BRWD3: variants seen among roughly 807,000 people sequenced by gnomAD.
BRWD3 encodes bromodomain and WD repeat domain containing 3.
BRWD3 carries 10 observed loss-of-function variants against 149.7 expected under a neutral mutation model. That is an observed-to-expected ratio of 0.07 (90% confidence interval 0.04 to 0.11). BRWD3 has a LOEUF of 0.11. BRWD3 is among the 10% of genes least tolerant of loss of function. The pLI is 1.00. For synonymous variants in BRWD3, 504 were observed against 456.7 expected (o/e 1.10, Z -1.32); for missense variants, 940 against 1,373.2 (o/e 0.68, Z 4.99).
At chrX:80,788,085 AAAATAAATAAAT>A (rs554615479) in intron 6 of BRWD3, among the ~76,000 whole-genome samples, 2,829 of 88,216 alleles carry the variant, frequency 0.032, 68 homozygotes, top group Middle Eastern at 0.055. Context: ...CTCTGTCTCA[AAAATAAATAAAT>A]AAATAAATAA....
Position 80,712,001 on chromosome X carries a change from A to G in BRWD3, c.2326-2424T>C, listed in dbSNP as rs764144550. On this transcript the variant is annotated intron_variant, in intron 20 of 40. Transcript: ENST00000373275. ...TGGCTCAGAATAAATCTCTTCAAAT[A>G]TTTTATAGAGTTTGACTCTTTCATC... Among the ~76,000 whole-genome samples the G allele has an allele frequency of 1.7e-3, 195 of 111,985 alleles. 2 individuals carry two copies. The highest frequency in any genetic ancestry group is 5.6e-3 in the African/African-American group (174 of 30,856).
In BRWD3 at chrX:80,802,458, A is replaced by AT. The variant is rs1439052287; in HGVS notation, c.180+6080_180+6081insA. On this transcript the variant is annotated intron_variant, in intron 4 of 40. Coordinates refer to ENST00000373275, the MANE Select transcript of BRWD3 (RefSeq NM_153252.5). The stretch of plus-strand genomic sequence containing the variant: ...CTCTCATCTTAAAAAAAAAAAAAAA[A>AT]AAAAAAAAAATTAAAAATTAAGAAA... Among the ~76,000 whole-genome samples, 785 of 106,105 alleles carry AT rather than the reference A, an allele frequency of 7.4e-3. 15 individuals are homozygous for AT. Among genetic ancestry groups the AT allele is most frequent in the African/African-American group, 0.027 (755 of 28,422 alleles). The allele number at this position is 106,105 out of a possible 115,157, so 92.1% of individuals were successfully genotyped here. A position where few individuals can be genotyped will look rare whatever the true frequency, so the allele number is the denominator to read the frequency against.
At chrX:80,688,445 GAC>G (rs2072564267) in intron 33 of BRWD3, among the ~76,000 whole-genome samples, 1 of 111,481 alleles carries the variant, frequency 9.0e-6, no homozygotes, top group Non-Finnish European at 1.9e-5. Context: ...TATTCTATAT[GAC>G]ATGCTTATTT....
intron 28 of BRWD3, 33 bp downstream of exon 28, chrX:80,692,907 A>G (rs760128544): frequency 3.7e-6 from 4 of 1,083,642 alleles, no homozygotes; most frequent in South Asian, 3.7e-5. Flanking sequence ...CTACAATGTC[A>G]TATTAGGCAT....
At position 80,733,864 on chromosome X, in the gene BRWD3, T is replaced by C. The variant is rs768856092; in HGVS notation, c.1086+254A>G. 2.0e-3 allele frequency among the ~76,000 whole-genome samples: 221 copies of C among 111,750 alleles called. 2 individuals carry two copies. Among genetic ancestry groups the C allele is most frequent in the African/African-American group, 7.1e-3 (218 of 30,830 alleles). On this transcript the variant is annotated intron_variant, in intron 11 of 40. Transcript: ENST00000373275. ...TTATTAATGTTTGAAAATAAATCAA[T>C]CATTTCCTGTTTCCCACATCATTTA... is the stretch of plus-strand genomic sequence containing the variant.
At chrX:80,693,324 C>T (rs760037253) in intron 27 of BRWD3, among the ~76,000 whole-genome samples, 2 of 111,765 alleles carry the variant, frequency 1.8e-5, no homozygotes, top group Admixed American at 1.9e-4. Context: ...AATTAATTAG[C>T]ATCATCATTA....
rs751192224 is a variant in BRWD3, at chrX:80,684,076, T to C, written c.4167A>G (p.Glu1389=). 1 of 1,207,117 alleles carries C rather than the reference T, an allele frequency of 8.3e-7. No individual in the cohort carries two copies. The highest frequency in any genetic ancestry group is 1.8e-5 in the South Asian group (1 of 56,876). The change falls in exon 37 of 41, where the codon GAA becomes GAG. Residue 1389 remains glutamate, a synonymous_variant. Coordinates refer to ENST00000373275, the MANE Select transcript of BRWD3 (RefSeq NM_153252.5). The stretch of plus-strand genomic sequence containing the variant: ...ATATTTGGCGAACATCCTTATAAAA[T>C]TCCAGAGGACTACCATAGTTTCCTG... ...LEAGNYGSPL[E]FYKDVRQIFN... is the part of the protein sequence containing the mutation.
intron 20 of BRWD3, among the ~76,000 whole-genome samples, chrX:80,714,062 C>G (rs958606990): frequency 1.8e-5 from 2 of 111,191 alleles, no homozygotes; most frequent in African/African-American, 6.6e-5. Flanking sequence ...GGGGGAAAAC[C>G]TACATTGTGC....
intron 6 of BRWD3, among the ~76,000 whole-genome samples, chrX:80,757,508 T>C (rs1459171005): frequency 8.9e-6 from 1 of 112,615 alleles, no homozygotes; most frequent in Non-Finnish European, 1.9e-5. Flanking sequence ...TTTGAAGAAC[T>C]TTCCTTTTGA....
Position 80,671,558 on chromosome X carries a change from A to C in BRWD3, c.*5051T>G, listed in dbSNP as rs1281517605. On this transcript the variant is annotated 3_prime_UTR_variant, in exon 41 of 41. Coordinates refer to ENST00000373275, the MANE Select transcript of BRWD3 (RefSeq NM_153252.5). ...GCAAGAGTGCAATTGATTCCAAACAACTTGGAATTTTATTGTAAACATCCC... is the reference window on the plus strand; with the variant it reads ...GCAAGAGTGCAATTGATTCCAAACACCTTGGAATTTTATTGTAAACATCCC... 8.9e-6 allele frequency: 1 copy of C among 111,981 alleles called. No individual in the cohort carries two copies. Among genetic ancestry groups the C allele is most frequent in the African/African-American group, 3.2e-5 (1 of 30,885 alleles). 9.2% of individuals were successfully genotyped at this position (111,981 alleles called of 1,213,427 possible). A position where few individuals can be genotyped will look rare whatever the true frequency, so the allele number is the denominator to read the frequency against.
chrX:80,786,318 T>A (rs1327251335), intron 6 of BRWD3, among the ~76,000 whole-genome samples: 1 of 111,514 alleles, frequency 9.0e-6, no homozygotes, highest in Admixed American at 9.6e-5. Context: ...ACTGATATAA[T>A]TCCAAATATA....
chrX:80,753,051 T>C (rs765272801), intron 6 of BRWD3, among the ~76,000 whole-genome samples: 1 of 111,687 alleles, frequency 9.0e-6, no homozygotes, highest in African/African-American at 3.2e-5. Context: ...GTTAATGGGA[T>C]TGTTTCTGAG....
intron 8 of BRWD3, among the ~76,000 whole-genome samples, chrX:80,740,371 C>T (rs2073467764): frequency 8.9e-6 from 1 of 112,008 alleles, no homozygotes; most frequent in South Asian, 3.7e-4. Context: ...TTTAAGTTAT[C>T]CATGACTTTC....
In BRWD3 at chrX:80,692,134, T is replaced by C. The variant is rs1231470266; in HGVS notation, c.3280A>G (p.Arg1094Gly). The change falls in exon 29 of 41, where the codon AGA becomes GGA. Residue 1094 changes from arginine (R) to glycine (G), a missense_variant. By Grantham distance (125) the Arg-to-Gly change is moderately radical. This residue lies in a region of BRWD3 where 158 missense variants were observed against 284.0 expected (regional missense o/e 0.56). Transcript: ENST00000373275. ...CYSVHWDNNEREKMSPWDMEP... is the reference protein window; with the variant it reads ...CYSVHWDNNEGEKMSPWDMEP... ...ATATCCCATGGGCTCATCTTTTCTC[T>C]CTCATTATTGTCCCAGCTATTAAAA... 1 of 1,203,078 alleles carries C rather than the reference T, an allele frequency of 8.3e-7. No individual in the cohort carries two copies. Among genetic ancestry groups the C allele is most frequent in the Non-Finnish European group, 1.1e-6 (1 of 889,813 alleles).
chrX:80,726,228 C>T (rs1417836782), intron 14 of BRWD3, among the ~76,000 whole-genome samples: 100 of 92,128 alleles, frequency 1.1e-3, no homozygotes, highest in African/African-American at 1.8e-3. Flanking sequence ...ACATATAACA[C>T]GTTTACATGT....
At chrX:80,743,515 C>A (rs1462624562) in intron 8 of BRWD3, among the ~76,000 whole-genome samples, 1 of 111,437 alleles carries the variant, frequency 9.0e-6, no homozygotes, top group Non-Finnish European at 1.9e-5. Flanking sequence ...GGCTGTGAAT[C>A]CATCTGGTCC....
intron 20 of BRWD3, among the ~76,000 whole-genome samples, chrX:80,712,098 C>A (rs906023714): frequency 9.0e-6 from 1 of 111,677 alleles, no homozygotes; most frequent in Non-Finnish European, 1.9e-5. Context: ...TCCAACCCCC[C>A]ACCTCTGAAA....
chrX:80,717,812 T>C (rs1193454018), intron 18 of BRWD3, 53 bp from the exon 19 acceptor site: 2 of 1,076,298 alleles, frequency 1.9e-6, no homozygotes, highest in Non-Finnish European at 2.6e-6. Flanking sequence ...CACCATAGTT[T>C]TCCAGAACAG....
Position 80,676,333 on chromosome X carries a change from GTGTGTGTGTGTC to G in BRWD3, c.*264_*275del, listed in dbSNP as rs1003823238. The G allele has an allele frequency of 1.8e-3, 123 of 67,021 alleles. No homozygotes were observed. Among genetic ancestry groups the G allele is most frequent in the Non-Finnish European group, 3.7e-3 (92 of 24,712 alleles). The allele number at this position is 67,021 out of a possible 1,213,427, so 5.5% of individuals were successfully genotyped here. ...ATCTGTAGTGTCTGTGTTGTGTTTC[GTGTGTGTGTGTC>G]TGTGTGTGTGTATGTGTGTGTATGT... On this transcript the variant is annotated 3_prime_UTR_variant, in exon 41 of 41. Transcript: ENST00000373275.
Sources: allele counts gnomAD v4.1 joint callset (sites outside exome capture counted in the v4.1 genomes callset), GRCh38; gene constraint gnomAD v4.1.1; regional missense constraint gnomAD v4.1.1; transcripts MANE v1.5; gene names NCBI Gene and HGNC (gene_info 2026-07-23, HGNC 2026-07-21).